PCDHGA4: variants seen among roughly 807,000 people sequenced by gnomAD.
PCDHGA4 encodes protocadherin gamma-A4.
In PCDHGA4, 38 loss-of-function variants were observed where a neutral mutation model predicts 54.6. The observed-to-expected ratio is 0.70, with a 90% CI of 0.54 to 0.91. PCDHGA4 has a LOEUF of 0.91. PCDHGA4 is among the 40% of genes least tolerant of loss of function. The pLI, the probability that PCDHGA4 is intolerant of heterozygous loss-of-function variation, is 0.00. For synonymous variants in PCDHGA4, 511 were observed against 512.9 expected, an observed-to-expected ratio of 1.00 and a Z score of 0.05; for missense variants, 1,298 against 1,220.9, an observed-to-expected ratio of 1.06 and a Z score of -0.94.
chr5:141,418,864 A>T, intron 1 of PCDHGA4: 1 of 1,614,046 alleles, frequency 6.2e-7, no homozygotes, highest in Non-Finnish European at 8.5e-7. Context: ...AAGTAATTGT[A>T]GAAGTTGTAG....
intron 1 of PCDHGA4, chr5:141,402,889 G>A: frequency 1.3e-6 from 2 of 1,493,808 alleles, no homozygotes; most frequent in South Asian, 1.4e-5. Context: ...CAGGGTGGAA[G>A]AAAGAACCTG....
chr5:141,371,829 C>G (rs763758826), intron 1 of PCDHGA4: 13 of 1,613,692 alleles, frequency 8.1e-6, no homozygotes, highest in Non-Finnish European at 1.0e-5. Flanking sequence ...AGCCTCGGAT[C>G]CCGACTTGGG....
intron 1 of PCDHGA4, chr5:141,422,160 A>C: frequency 6.4e-7 from 1 of 1,573,304 alleles, no homozygotes; most frequent in South Asian, 1.2e-5. Context: ...TGGATTTTGA[A>C]AAATATAGAT....
In PCDHGA4 at chr5:141,356,720, T is replaced by C; in HGVS notation, c.1613T>C (p.Ile538Thr). 1 of 1,614,006 alleles carries C rather than the reference T, an allele frequency of 6.2e-7. No homozygotes were observed. Residue 538 changes from isoleucine to threonine, a missense_variant, in exon 1 of 4, where the codon ATC (isoleucine) becomes ACC (threonine). Transcript: ENST00000571252. ...GCACCTCTGTCCTCCTATGTCTCCATCAACTCCAATACAGGGATCCTATAT... is the reference window on the plus strand; with the variant it reads ...GCACCTCTGTCCTCCTATGTCTCCACCAACTCCAATACAGGGATCCTATAT... ...QGAPLSSYVS[I>T]NSNTGILYAL... is the part of the protein sequence containing the mutation.
Position 141,477,678 on chromosome 5 carries a change from C to T in PCDHGA4, c.2515-17129C>T, listed in dbSNP as rs967769574. ...AATCGTGACAATGGCATAGTGTCAT[C>T]CTTAGTGCCCCTAGACTATGAGGAT... On this transcript the variant is annotated intron_variant, in intron 1 of 3. Coordinates refer to ENST00000571252, the MANE Select transcript of PCDHGA4 (RefSeq NM_018917.4). This position sits in a 1 kb window ranked among gnomAD's most constrained non-coding sequence, Gnocchi z 4.9. 9.9e-6 allele frequency: 16 copies of T among 1,614,182 alleles called. No homozygotes were observed. The highest frequency in any genetic ancestry group is 1.1e-5 in the Non-Finnish European group (13 of 1,180,046).
At chr5:141,399,255 G>A (rs767281843) in intron 1 of PCDHGA4, 6 of 1,613,892 alleles carry the variant, frequency 3.7e-6, no homozygotes, top group Non-Finnish European at 5.1e-6. Context: ...GGGAAAATGG[G>A]GAGGTTAATT....
chr5:141,445,093 A>G (rs987863232), intron 1 of PCDHGA4, among the ~76,000 whole-genome samples: 2 of 152,168 alleles, frequency 1.3e-5, no homozygotes, highest in Non-Finnish European at 2.9e-5. Flanking sequence ...TACATATTTG[A>G]TGTTTTCTAA....
At chr5:141,500,455 C>T (rs1254764658) in intron 2 of PCDHGA4, among the ~76,000 whole-genome samples, 4 of 151,986 alleles carry the variant, frequency 2.6e-5, no homozygotes, top group Non-Finnish European at 5.9e-5. Context: ...GTGATCCGCC[C>T]GCCTCGGCCT....
At chr5:141,422,044 G>C in intron 1 of PCDHGA4, 1 of 1,611,530 alleles carries the variant, frequency 6.2e-7, no homozygotes, top group Admixed American at 1.7e-5. Flanking sequence ...TCCAGACGAG[G>C]GAATCAACGG....
intron 1 of PCDHGA4, chr5:141,421,959 A>T: frequency 6.2e-7 from 1 of 1,612,798 alleles, no homozygotes; most frequent in Non-Finnish European, 8.5e-7. Flanking sequence ...CAATGTTTAC[A>T]CAGTCCGTAT....
intron 1 of PCDHGA4, among the ~76,000 whole-genome samples, chr5:141,445,132 G>T (rs921068835): frequency 2.6e-5 from 4 of 152,026 alleles, no homozygotes; most frequent in Non-Finnish European, 5.9e-5. Flanking sequence ...TTTTAAAATT[G>T]TATCTTCTAA....
chr5:141,375,719 G>A (rs1478749716), intron 1 of PCDHGA4: 2 of 1,614,142 alleles, frequency 1.2e-6, no homozygotes, highest in South Asian at 2.2e-5. Flanking sequence ...TAGCAGCAAC[G>A]TGTCACTGAG....
chr5:141,451,428 G>T (rs552096051), intron 1 of PCDHGA4, among the ~76,000 whole-genome samples: 17 of 152,166 alleles, frequency 1.1e-4, no homozygotes, highest in Non-Finnish European at 2.1e-4. Context: ...TTAGACTAAG[G>T]GTTCCAGTTC....
chr5:141,500,036 T>C (rs1001193977), intron 2 of PCDHGA4, among the ~76,000 whole-genome samples: 8 of 152,176 alleles, frequency 5.3e-5, no homozygotes, highest in African/African-American at 1.9e-4. Flanking sequence ...TGAGTGTCTC[T>C]TAAGTATCTT....
At chr5:141,510,321 CA>C (rs1376271166) in intron 3 of PCDHGA4, among the ~76,000 whole-genome samples, 1 of 150,840 alleles carries the variant, frequency 6.6e-6, no homozygotes, top group Non-Finnish European at 1.5e-5. Context: ...CTTGGAAGAG[CA>C]CTCTTCACCC....
intron 1 of PCDHGA4, chr5:141,404,457 C>A: frequency 1.2e-6 from 2 of 1,612,824 alleles, no homozygotes; most frequent in Non-Finnish European, 1.7e-6. Flanking sequence ...TCTCCTCTCT[C>A]CACCTATGTC....
Position 141,431,354 on chromosome 5 carries a change from G to GCC in PCDHGA4, c.2515-63451_2515-63450dup. The GCC allele has an allele frequency of 6.2e-7, 1 of 1,614,036 alleles. No individual in the cohort carries two copies. Among genetic ancestry groups the GCC allele is most frequent in the African/African-American group, 1.3e-5 (1 of 75,052 alleles). On this transcript the variant is annotated intron_variant, in intron 1 of 3. Transcript: ENST00000571252. This position sits in a 1 kb window ranked among gnomAD's most constrained non-coding sequence, Gnocchi z 4.8. Reference sequence around the variant, plus strand: ...GTACCCCGAATTGGTGCTGAAACGCGCCCTGGACCGCGAAGAAAAGGCTGC... The same window carrying GCC: ...GTACCCCGAATTGGTGCTGAAACGCGCCCCCTGGACCGCGAAGAAAAGGCTGC...
At chr5:141,415,315 G>A (rs201784236) in intron 1 of PCDHGA4, 2 of 1,614,220 alleles carry the variant, frequency 1.2e-6, no homozygotes, top group Middle Eastern at 1.6e-4. Context: ...CTTCGTCATC[G>A]TGCTGCTGGC....
intron 1 of PCDHGA4, among the ~76,000 whole-genome samples, chr5:141,472,042 T>C (rs2099270232): frequency 2.0e-5 from 3 of 152,146 alleles, no homozygotes; most frequent in African/African-American, 7.2e-5. Context: ...TGTGAAAAGA[T>C]TTTAAAAATG....
Sources: allele counts gnomAD v4.1 joint callset (sites outside exome capture counted in the v4.1 genomes callset), GRCh38; gene constraint gnomAD v4.1.1; non-coding constraint Gnocchi (gnomAD v3.1); transcripts MANE v1.5; gene names NCBI Gene and HGNC (gene_info 2026-07-23, HGNC 2026-07-21).